Variants in EML1 observed in about 807,000 individuals in gnomAD.
EML1 encodes the protein echinoderm microtubule-associated protein-like 1.
A neutral mutation model predicts 110.4 loss-of-function variants in EML1; 27 were observed. The observed-to-expected ratio is 0.24, with a 90% CI of 0.18 to 0.34. EML1 has a LOEUF of 0.34. Ranked by LOEUF, EML1 falls within the 10% of genes least tolerant of loss-of-function variation. EML1 has a pLI of 1.00. For missense variants in EML1, 741 were observed against 1,030.9 expected, an observed-to-expected ratio of 0.72 and a Z score of 3.85; for synonymous variants, 344 against 385.8, an observed-to-expected ratio of 0.89 and a Z score of 1.27.
chr14:99,933,497 C>A (rs1370428816), intron 17 of EML1, among the ~76,000 whole-genome samples: 2 of 152,170 alleles, frequency 1.3e-5, no homozygotes, highest in South Asian at 4.1e-4. Context: ...TTCCTTGAGA[C>A]CTTTTGCATA....
intron 3 of EML1, among the ~76,000 whole-genome samples, chr14:99,876,610 C>T (rs1035339764): frequency 2.6e-5 from 4 of 152,134 alleles, no homozygotes; most frequent in African/African-American, 9.7e-5. Context: ...GCTCAGCACC[C>T]GCCAGATGGA....
chr14:99,833,382 T>G (rs2058491637), intron 1 of EML1, among the ~76,000 whole-genome samples: 1 of 152,208 alleles, frequency 6.6e-6, no homozygotes, highest in Admixed American at 6.5e-5. Context: ...ACCATTACCA[T>G]GTTGTCTTGA....
chr14:99,773,095 C>CA (rs1359487636), exon 1 of EML1: 4 of 152,194 alleles, frequency 2.6e-5, no homozygotes, highest in African/African-American at 9.7e-5. Context: ...TACCAAAGCC[C>CA]AAAATCCTTC....
chr14:99,901,770 G>C (rs912998527), intron 9 of EML1, among the ~76,000 whole-genome samples: 1 of 152,120 alleles, frequency 6.6e-6, no homozygotes, highest in African/African-American at 2.4e-5. Flanking sequence ...ACTGCAAGCG[G>C]TTATATCAGC....
chr14:99,892,259 C>T, intron 5 of EML1: 1 of 941,114 alleles, frequency 1.1e-6, no homozygotes, highest in Admixed American at 6.2e-5. Context: ...CTACAGAAAC[C>T]TTTTTCATAC....
intron 1 of EML1, among the ~76,000 whole-genome samples, chr14:99,846,425 G>GGT (rs1367673995): frequency 6.6e-6 from 1 of 151,772 alleles, no homozygotes; most frequent in Non-Finnish European, 1.5e-5. Flanking sequence ...TGGGACTACA[G>GGT]GTGTGTACCA....
chr14:99,829,388 C>T (rs997776983), intron 1 of EML1, among the ~76,000 whole-genome samples: 2 of 152,162 alleles, frequency 1.3e-5, no homozygotes, highest in Non-Finnish European at 2.9e-5. Context: ...TTTGAGTGAA[C>T]ACTTGAATGA....
intron 17 of EML1, among the ~76,000 whole-genome samples, chr14:99,929,753 T>C (rs918371347): frequency 1.3e-5 from 2 of 152,138 alleles, no homozygotes; most frequent in African/African-American, 4.8e-5. Flanking sequence ...CAGATTGTCA[T>C]TGACATGGAA....
chr14:99,799,676 G>A (rs1447738596), intron 1 of EML1, among the ~76,000 whole-genome samples: 1 of 152,116 alleles, frequency 6.6e-6, no homozygotes, highest in African/African-American at 2.4e-5. Context: ...GCATTTTGGT[G>A]GAAAAAAATC....
At chr14:99,850,811 C>CG in intron 1 of EML1, 42 bp from the exon 2 acceptor site, 1 of 1,594,436 alleles carries the variant, frequency 6.3e-7, no homozygotes, top group Non-Finnish European at 8.6e-7. Context: ...ATCTGATTTC[C>CG]GGGGAACACT....
At chr14:99,931,170 C>T (rs1003381116) in intron 17 of EML1, among the ~76,000 whole-genome samples, 8 of 152,200 alleles carry the variant, frequency 5.3e-5, no homozygotes, top group African/African-American at 1.4e-4. Context: ...CCCAAAATTA[C>T]AATCAGTGTG....
intron 1 of EML1, among the ~76,000 whole-genome samples, chr14:99,801,320 T>G (rs768566706): frequency 5.3e-5 from 8 of 152,176 alleles, no homozygotes; most frequent in Non-Finnish European, 7.4e-5. Flanking sequence ...AAACATTAGA[T>G]TCTCCTAGTA....
intron 1 of EML1, among the ~76,000 whole-genome samples, chr14:99,828,467 C>G (rs554164811): frequency 8.3e-4 from 127 of 152,126 alleles, no homozygotes; most frequent in Non-Finnish European, 1.5e-3. Flanking sequence ...CCAGTAGTGG[C>G]CTCAAAGCTC....
intron 7 of EML1, among the ~76,000 whole-genome samples, chr14:99,897,582 C>A (rs2140007740): frequency 6.6e-6 from 1 of 152,136 alleles, no homozygotes; most frequent in South Asian, 2.1e-4. Flanking sequence ...CCGTGAGACC[C>A]CTCTCATGTT....
At chr14:99,742,269 G>A (rs765734256) in intron 1 of EML1, among the ~76,000 whole-genome samples, 3 of 152,196 alleles carry the variant, frequency 2.0e-5, no homozygotes, top group Non-Finnish European at 2.9e-5. Context: ...TTTATGTGAC[G>A]TCAGTGGTTG....
intron 1 of EML1, among the ~76,000 whole-genome samples, chr14:99,757,992 T>C (rs1164568362): frequency 1.3e-5 from 2 of 152,202 alleles, no homozygotes; most frequent in Non-Finnish European, 2.9e-5. Flanking sequence ...TCCTAAATGC[T>C]GAGCATGGTG....
At chr14:99,817,508 GGCTCCC>G (rs2058188595) in intron 1 of EML1, among the ~76,000 whole-genome samples, 1 of 152,188 alleles carries the variant, frequency 6.6e-6, no homozygotes, top group African/African-American at 2.4e-5. Flanking sequence ...CCGCCACCAT[GGCTCCC>G]GCAGCATTAG....
chr14:99,815,641 T>C (rs1237907308), intron 1 of EML1, among the ~76,000 whole-genome samples: 2 of 152,248 alleles, frequency 1.3e-5, no homozygotes, highest in African/African-American at 4.8e-5. Context: ...AGCAGCTCTT[T>C]GTAAATACTT....
At chr14:99,854,803 C>T (rs945877473) in intron 2 of EML1, among the ~76,000 whole-genome samples, 2 of 152,120 alleles carry the variant, frequency 1.3e-5, no homozygotes, top group African/African-American at 2.4e-5. Flanking sequence ...AGAATCAAAT[C>T]GTTCACGAAG....
Sources: gnomAD v4.1 joint callset for allele counts (sites outside exome capture counted in the v4.1 genomes callset) on GRCh38, gnomAD v4.1.1 for gene constraint, MANE v1.5 for transcripts, NCBI Gene and HGNC (gene_info 2026-07-23, HGNC 2026-07-21) for gene names.